Variants in AHNAK2 observed in about 807,000 individuals in gnomAD.
The protein encoded by AHNAK2 is protein AHNAK2.
AHNAK2 carries 18 observed loss-of-function variants against 30.7 expected under a neutral mutation model. The observed-to-expected ratio is 0.59, with a 90% CI of 0.41 to 0.87. AHNAK2 has a LOEUF of 0.87. Ranked by LOEUF, AHNAK2 falls within the 40% of genes least tolerant of loss-of-function variation. AHNAK2 has a pLI of 0.00. For synonymous variants in AHNAK2, 3,590 were observed against 3,073.8 expected (o/e 1.17, Z -5.56); for missense variants, 8,604 against 7,373.0 (o/e 1.17, Z -6.11).
At chr14:104,970,508 G>A (rs930941324) in intron 1 of AHNAK2, 15 of 985,524 alleles carry the variant, frequency 1.5e-5, no homozygotes, top group Non-Finnish European at 1.6e-5. Context: ...GATCCCAACT[G>A]GCCACCTCCC....
chr14:104,970,391 C>T, intron 1 of AHNAK2: 8 of 982,992 alleles, frequency 8.1e-6, no homozygotes, highest in Non-Finnish European at 9.7e-6. Context: ...GGCCTGCTGG[C>T]CCCCACAGAC....
rs1186626408 is a variant in AHNAK2, at chr14:104,966,718, C to A, written c.56-9046G>T. ...GGACCACCAGCTGGGGCCACCCCAG[C>A]CCCTCTGGAGCTGCCTGGAGCTCCA... On this transcript the variant is annotated intron_variant, in intron 1 of 6. Coordinates refer to ENST00000333244, the MANE Select transcript of AHNAK2 (RefSeq NM_138420.4). This position sits in a 1 kb window ranked among gnomAD's most constrained non-coding sequence, Gnocchi z 4.3. Among the ~76,000 whole-genome samples, 1 of 152,208 alleles carries A rather than the reference C, an allele frequency of 6.6e-6. No individual in the cohort carries two copies. Among genetic ancestry groups the A allele is most frequent in the African/African-American group, 2.4e-5 (1 of 41,464 alleles).
rs774549441 is a variant in AHNAK2, at chr14:104,942,473, C to G, written c.12978G>C (p.Leu4326=). The G allele has an allele frequency of 5.5e-5, 89 of 1,612,452 alleles. No individual in the cohort carries two copies. The highest frequency in any genetic ancestry group is 1.0e-4 in the Admixed American group (6 of 59,896). ...GGAGGCTCACGTCAGCCTCCACCTT[C>G]AGCGCAGACACATCCAACGAGGCCT... ...SIEASLDVSA[L]KVEADVSLPS... The change falls in exon 7 of 7, where the codon CTG becomes CTC. Residue 4326 remains leucine, a synonymous_variant. Coordinates refer to ENST00000333244, the MANE Select transcript of AHNAK2 (RefSeq NM_138420.4).
Position 104,955,155 on chromosome 14 carries a change from G to T in AHNAK2, c.467-14C>A. ...GCAGCTGATCCCCTAGACCAAGAAA[G>T]AGCAGCCCCAGGGCCGGGTGTGTGA... On this transcript the variant is annotated splice_polypyrimidine_tract_variant and intron_variant, in intron 5 of 6. Transcript: ENST00000333244. The T allele has an allele frequency of 6.3e-7, 1 of 1,595,696 alleles. No individual in the cohort carries two copies.
In AHNAK2 at chr14:104,939,065, C is replaced by T; in HGVS notation, c.16386G>A (p.Lys5462=). Residue 5462 remains lysine (K), a synonymous_variant, in exon 7 of 7, where the codon AAG becomes AAA. Coordinates refer to ENST00000333244, the MANE Select transcript of AHNAK2 (RefSeq NM_138420.4). The stretch of plus-strand genomic sequence containing the variant: ...GAGCACCCTGAATATGCACTCTGAC[C>T]TTTGAAATTGGGGGAGCTTCCAAAG... ...NLPLEAPPIS[K]VRVHIQGAQV... is the part of the protein sequence containing the mutation. 6.2e-7 allele frequency: 1 copy of T among 1,605,288 alleles called. No individual in the cohort carries two copies. Among genetic ancestry groups the T allele is most frequent in the Non-Finnish European group, 8.5e-7 (1 of 1,175,790 alleles).
In AHNAK2 at chr14:104,938,053, G is replaced by A. The variant is rs372176047; in HGVS notation, c.*10C>T. The A allele has an allele frequency of 3.1e-6, 5 of 1,610,334 alleles. No individual in the cohort carries two copies. The highest frequency in any genetic ancestry group is 3.4e-5 in the Admixed American group (2 of 59,688). On this transcript the variant is annotated 3_prime_UTR_variant, in exon 7 of 7. Transcript: ENST00000333244. ...TTTTGCATCTCTCTTGTACTGATGAGCCATACCTCTCAGCCTTCATTTGGT... is the reference window on the plus strand; with the variant it reads ...TTTTGCATCTCTCTTGTACTGATGAACCATACCTCTCAGCCTTCATTTGGT...
chr14:104,956,762 G>A, intron 3 of AHNAK2, 73 bp from the exon 4 acceptor site: 1 of 1,440,316 alleles, frequency 6.9e-7, no homozygotes, highest in Non-Finnish European at 9.7e-7. Flanking sequence ...GTAGGCTGGT[G>A]CCAGACCAGG....
rs1379254566 is a variant in AHNAK2, at chr14:104,944,960, A to G, written c.10491T>C (p.Asp3497=). 3.1e-6 allele frequency: 5 copies of G among 1,612,856 alleles called. No individual in the cohort carries two copies. Among genetic ancestry groups the G allele is most frequent in the Non-Finnish European group, 4.2e-6 (5 of 1,179,534 alleles). ...APGRSIEASL[D]VSAPKVEADV... is the part of the protein sequence containing the mutation. ...CGGCCTCCACCTTCGGCGCAGACAC[A>G]TCCAGCGAGGCCTCGATGGACCTGC... Residue 3497 remains aspartate (D), a synonymous_variant, in exon 7 of 7, where the codon GAT becomes GAC. Coordinates refer to ENST00000333244, the MANE Select transcript of AHNAK2 (RefSeq NM_138420.4).
Position 104,948,301 on chromosome 14 carries a change from C to T in AHNAK2, c.7150G>A (p.Val2384Met), listed in dbSNP as rs762905041. The change falls in exon 7 of 7, where the codon GTG (valine) becomes ATG (methionine). Residue 2384 changes from valine (V) to methionine (M), a missense_variant. Coordinates refer to ENST00000333244, the MANE Select transcript of AHNAK2 (RefSeq NM_138420.4). ...GGCACGGGGCCCTCTGGGAGTTTCA[C>T]ATCCACTTGGCCAGCCTGGACCTCC... ...DLEVQAGQVD[V>M]KLPEGPVPEG... The T allele has an allele frequency of 4.3e-6, 7 of 1,612,430 alleles. No homozygotes were observed. Among genetic ancestry groups the T allele is most frequent in the Non-Finnish European group, 5.9e-6 (7 of 1,179,526 alleles).
rs1053212789 is a variant in AHNAK2 at position 104,939,133 on chromosome 14, C to T, written c.16318G>A (p.Gly5440Ser). Residue 5440 changes from glycine to serine, a missense_variant, in exon 7 of 7, where the codon GGT (glycine) becomes AGT (serine). Transcript: ENST00000333244. The part of the protein sequence containing the change: ...GLWGASILKA[G>S]AGVPGEQPVD... The stretch of plus-strand genomic sequence containing the variant: ...GGCTGCTCCCCAGGGACCCCAGCAC[C>T]TGCCTTCAGGATGCTGGCTCCCCAG... 3 of 1,610,120 alleles carry T rather than the reference C, an allele frequency of 1.9e-6. No individual in the cohort carries two copies. The African/African-American group carries it at 4.0e-5, about 22-fold the overall frequency.
At position 104,939,435 on chromosome 14, in the gene AHNAK2, C is replaced by T; in HGVS notation, c.16016G>A (p.Ser5339Asn). 6.2e-7 allele frequency: 1 copy of T among 1,613,422 alleles called. No homozygotes were observed. The highest frequency in any genetic ancestry group is 8.5e-7 in the Non-Finnish European group (1 of 1,179,752). Residue 5339 changes from serine to asparagine, a missense_variant, in exon 7 of 7, where the codon AGC becomes AAC. Physicochemically the swap from Ser to Asn is conservative, Grantham distance 46 (BLOSUM62 1). Transcript: ENST00000333244. ...PLSKPGHDLA[S>N]MEDKTEKWSS... ...CCATTTCTCTGTTTTATCCTCCATG[C>T]TGGCAAGGTCATGTCCTGGCTTGGA...
Position 104,941,142 on chromosome 14 carries a change from G to A in AHNAK2, c.14309C>T (p.Ser4770Phe). ...PKVGFAGFPSSRLDLTGPHFE... is the reference protein window; with the variant it reads ...PKVGFAGFPSFRLDLTGPHFE... Reference sequence around the variant, plus strand: ...GTGAGGACCAGTGAGATCAAGCCGGGATGATGGAAACCCAGCAAAACCCAC... The same window carrying A: ...GTGAGGACCAGTGAGATCAAGCCGGAATGATGGAAACCCAGCAAAACCCAC... The change falls in exon 7 of 7, where the codon TCC (serine) becomes TTC (phenylalanine). Residue 4770 changes from serine to phenylalanine, a missense_variant. Transcript: ENST00000333244. The A allele has an allele frequency of 6.2e-7, 1 of 1,613,588 alleles. No homozygotes were observed. The highest frequency in any genetic ancestry group is 8.5e-7 in the Non-Finnish European group (1 of 1,179,886).
Position 104,952,459 on chromosome 14 carries a change from A to T in AHNAK2, c.2992T>A (p.Phe998Ile), listed in dbSNP as rs1196838231. 2 of 1,612,076 alleles carry T rather than the reference A, an allele frequency of 1.2e-6. No individual in the cohort carries two copies. Among genetic ancestry groups the T allele is most frequent in the East Asian group, 2.2e-5 (1 of 44,750 alleles). ...GGCATCTTGAACTTGGGCATTTTGA[A>T]CTTGCTGTCTTTGGCAGTCACGTCC... ...DKDVTAKDSK[F>I]KMPKFKMPSF... is the part of the protein sequence containing the mutation. The change falls in exon 7 of 7, where the codon TTC becomes ATC. Residue 998 changes from phenylalanine (F) to isoleucine (I), a missense_variant. Physicochemically the swap from Phe to Ile is conservative, Grantham distance 21. Transcript: ENST00000333244.
Position 104,978,374 on chromosome 14 carries a change from T to A in AHNAK2, c.-137A>T. The A allele has an allele frequency of 2.0e-6, 1 of 496,680 alleles. No individual in the cohort carries two copies. The highest frequency in any genetic ancestry group is 2.7e-6 in the Non-Finnish European group (1 of 376,602). The allele number at this position is 496,680 out of a possible 1,614,324, so 30.8% of individuals were successfully genotyped here. A position where few individuals can be genotyped will look rare whatever the true frequency, so the allele number is the denominator to read the frequency against. On this transcript the variant is annotated 5_prime_UTR_variant, in exon 1 of 7. Transcript: ENST00000333244. ...CTGCCGCGGGCGGCCGACCTCGGAC[T>A]GCGGACACCGCGCGCCAGGCTACCC... is the stretch of plus-strand genomic sequence containing the variant.
rs1898903693 is a variant in AHNAK2, at chr14:104,954,370, G to A, written c.1081C>T (p.Pro361Ser). ...GTCTCCTCGAGGCTATCACCCCAGG[G>A]CCCCAACTCTTCCAGGACCCCAGCA... ...GRAGVLEELG[P>S]WGDSLEETGA... Residue 361 changes from proline (P) to serine (S), a missense_variant, in exon 7 of 7, where the codon CCC becomes TCC. Physicochemically the swap from Pro to Ser is moderately conservative, Grantham distance 74. Coordinates refer to ENST00000333244, the MANE Select transcript of AHNAK2 (RefSeq NM_138420.4). This position sits in a 1 kb window ranked among gnomAD's most constrained non-coding sequence, Gnocchi z 4.3. The A allele has an allele frequency of 1.2e-6, 2 of 1,613,220 alleles. No homozygotes were observed. The highest frequency in any genetic ancestry group is 3.3e-5 in the Admixed American group (2 of 60,024).
chr14:104,945,282 T>C lies in AHNAK2; in HGVS notation c.10169A>G (p.His3390Arg), dbSNP rs200461684. 1,841 of 1,612,922 alleles carry C rather than the reference T, an allele frequency of 1.1e-3. 1 individual carries two copies. The highest frequency in any genetic ancestry group is 1.3e-3 in the Non-Finnish European group (1,589 of 1,179,590). The part of the protein sequence containing the change: ...HVPEGAGLKG[H>R]LPKVEMPSFK... ...ACTGGGCATCTCCACCTTGGGCAGG[T>C]GCCCTTTGAGGCCAGCTCCCTCGGG... Residue 3390 changes from histidine (H) to arginine (R), a missense_variant, in exon 7 of 7, where the codon CAC (histidine) becomes CGC (arginine). By Grantham distance (29) the His-to-Arg change is conservative. Coordinates refer to ENST00000333244, the MANE Select transcript of AHNAK2 (RefSeq NM_138420.4).
chr14:104,957,697 G>A, intron 1 of AHNAK2, 25 bp from the exon 2 acceptor site: 2 of 1,602,356 alleles, frequency 1.2e-6, no homozygotes, highest in South Asian at 2.2e-5. Flanking sequence ...GCTGTCAGTG[G>A]AGACAAGCAG....
Position 104,947,881 on chromosome 14 carries a change from C to T in AHNAK2, c.7570G>A (p.Gly2524Arg). Reference sequence around the variant, plus strand: ...CTGAGGTCAGTGGCCTTGAGGTCCCCCTGCATGGAGGAGAGGCTCCCGTCG... The same window carrying T: ...CTGAGGTCAGTGGCCTTGAGGTCCCTCTGCATGGAGGAGAGGCTCCCGTCG... ...EADGSLSSMQ[G>R]DLKATDLSIQ... The change falls in exon 7 of 7, where the codon GGG (glycine) becomes AGG (arginine). Residue 2524 changes from glycine to arginine, a missense_variant. By Grantham distance (125) the Gly-to-Arg change is moderately radical. Coordinates refer to ENST00000333244, the MANE Select transcript of AHNAK2 (RefSeq NM_138420.4). 1.2e-6 allele frequency: 2 copies of T among 1,612,722 alleles called. No homozygotes were observed. The highest frequency in any genetic ancestry group is 1.7e-6 in the Non-Finnish European group (2 of 1,179,606).
rs1203705123 is a variant in AHNAK2 at position 104,952,175 on chromosome 14, G to A, written c.3276C>T (p.Pro1092=). The change falls in exon 7 of 7, where the codon CCC becomes CCT. Residue 1092 remains proline (P), a synonymous_variant. Transcript: ENST00000333244. The part of the protein sequence containing the change: ...PKVEMPSFKM[P]KVALKGPQVD... Reference sequence around the variant, plus strand: ...CCTGGGGGCCCTTGAGGGCCACTTTGGGCATCTTGAAACTGGGCATCTCCA... The same window carrying A: ...CCTGGGGGCCCTTGAGGGCCACTTTAGGCATCTTGAAACTGGGCATCTCCA... The A allele has an allele frequency of 2.5e-6, 4 of 1,612,366 alleles. No individual in the cohort carries two copies. Among genetic ancestry groups the A allele is most frequent in the Non-Finnish European group, 3.4e-6 (4 of 1,179,606 alleles).
Sources: gnomAD v4.1 joint callset for allele counts (sites outside exome capture counted in the v4.1 genomes callset) on GRCh38, gnomAD v4.1.1 for gene constraint, Gnocchi (gnomAD v3.1) non-coding constraint, MANE v1.5 for transcripts, NCBI Gene and HGNC (gene_info 2026-07-23, HGNC 2026-07-21) for gene names.